The following STPG2 variants were observed in gnomAD, a reference collection of about 807,000 sequenced individuals.
The protein encoded by STPG2 is sperm-tail PG-rich repeat-containing protein 2.
In STPG2, 56 loss-of-function variants were observed where a neutral mutation model predicts 54.2. The observed-to-expected ratio is 1.03, with a 90% CI of 0.83 to 1.29. STPG2 has a LOEUF of 1.29. Ranked by LOEUF, STPG2 falls within the 50% of genes most tolerant of loss-of-function variation. The pLI is 0.00. For synonymous variants in STPG2, 200 were observed against 181.8 expected, an observed-to-expected ratio of 1.10 and a Z score of -0.81; for missense variants, 596 against 544.9, an observed-to-expected ratio of 1.09 and a Z score of -0.93.
At chr4:97,774,122 A>G (rs1405939503) in intron 9 of STPG2, among the ~76,000 whole-genome samples, 1 of 152,140 alleles carries the variant, frequency 6.6e-6, no homozygotes, top group African/African-American at 2.4e-5. Flanking sequence ...ATTTCTTTAA[A>G]GATAAGCTTT....
At chr4:98,068,289 C>G (rs561169305) in intron 5 of STPG2, among the ~76,000 whole-genome samples, 2 of 152,026 alleles carry the variant, frequency 1.3e-5, no homozygotes, top group Non-Finnish European at 2.9e-5. Context: ...AGGTCAAATT[C>G]CTTTATTTAA....
At chr4:97,917,816 T>A (rs192544245) in intron 8 of STPG2, among the ~76,000 whole-genome samples, 3 of 152,124 alleles carry the variant, frequency 2.0e-5, no homozygotes, top group Non-Finnish European at 4.4e-5. Context: ...GGATTTCTCT[T>A]AGACTACATC....
chr4:98,023,937 C>T (rs909301811), intron 5 of STPG2, among the ~76,000 whole-genome samples: 4 of 152,162 alleles, frequency 2.6e-5, no homozygotes, highest in Non-Finnish European at 5.9e-5. Context: ...TCTGTCACCC[C>T]TTTCTTTGAC....
Position 98,039,493 on chromosome 4 carries a change from C to CAT in STPG2, c.613-58177_613-58176dup, listed in dbSNP as rs199974654. ...TGTATATATATATATACAAGAAATA[C>CAT]ATATATATATACCATATTTCTTTTG... On this transcript the variant is annotated intron_variant, in intron 5 of 10. Coordinates refer to ENST00000295268, the MANE Select transcript of STPG2 (RefSeq NM_174952.3). Among the ~76,000 whole-genome samples, 17 of 100,958 alleles carry CAT rather than the reference C, an allele frequency of 1.7e-4. 1 individual carries two copies. The highest frequency in any genetic ancestry group is 3.2e-4 in the African/African-American group (8 of 25,150). The allele number at this position is 100,958 out of a possible 152,430, so 66.2% of individuals were successfully genotyped here.
At chr4:97,441,818 G>A (rs1270826005) in intron 4 of STPG2, among the ~76,000 whole-genome samples, 5 of 151,862 alleles carry the variant, frequency 3.3e-5, no homozygotes, top group African/African-American at 4.8e-5. Context: ...TTCTGCAATT[G>A]TTTAGACATT....
intron 10 of STPG2, among the ~76,000 whole-genome samples, chr4:97,684,474 G>C (rs186291285): frequency 6.6e-6 from 1 of 151,924 alleles, no homozygotes; most frequent in Non-Finnish European, 1.5e-5. Context: ...AAACATTTCA[G>C]TGGAGACAGG....
At chr4:97,676,582 G>A (rs1278752190) in intron 10 of STPG2, among the ~76,000 whole-genome samples, 2 of 146,624 alleles carry the variant, frequency 1.4e-5, no homozygotes, top group East Asian at 2.0e-4. Context: ...AGGAAAGGAG[G>A]GAGGGAGGGA....
chr4:97,905,425 C>G (rs998489408), intron 8 of STPG2, among the ~76,000 whole-genome samples: 17 of 151,748 alleles, frequency 1.1e-4, no homozygotes, highest in Admixed American at 3.9e-4. Flanking sequence ...TTGTCACCAC[C>G]AGGCCTGCCC....
chr4:97,892,495 C>G (rs751623382), intron 8 of STPG2, among the ~76,000 whole-genome samples: 1 of 152,144 alleles, frequency 6.6e-6, no homozygotes, highest in Non-Finnish European at 1.5e-5. Flanking sequence ...TCCCTAATCT[C>G]CAGTCAATCA....
rs374671525 is a variant in STPG2, at chr4:97,877,881, C to T, written c.1045-36949G>A. Among the ~76,000 whole-genome samples, 27 of 152,242 alleles carry T rather than the reference C, an allele frequency of 1.8e-4. 1 individual carries two copies. Among genetic ancestry groups the T allele is most frequent in the African/African-American group, 4.6e-4 (19 of 41,542 alleles). On this transcript the variant is annotated intron_variant, in intron 8 of 10. Coordinates refer to ENST00000295268, the MANE Select transcript of STPG2 (RefSeq NM_174952.3). ...GTCCAAAGTCTCATCTGAGACAAGG[C>T]GATCCCTTCCACCTACGAGCCTGTA...
chr4:98,120,192 T>C (rs968418481), intron 3 of STPG2, among the ~76,000 whole-genome samples: 1 of 152,166 alleles, frequency 6.6e-6, no homozygotes, highest in African/African-American at 2.4e-5. Flanking sequence ...GCGATTCTTC[T>C]GCCTCAGCCT....
At chr4:97,471,004 T>C (rs1560622656) in intron 4 of STPG2, among the ~76,000 whole-genome samples, 1 of 152,136 alleles carries the variant, frequency 6.6e-6, no homozygotes, top group Non-Finnish European at 1.5e-5. Context: ...GAGCAGACAG[T>C]GTCGATGTCA....
chr4:97,478,893 G>A (rs1041768673), intron 4 of STPG2, among the ~76,000 whole-genome samples: 25 of 150,800 alleles, frequency 1.7e-4, no homozygotes, highest in African/African-American at 5.8e-4. Context: ...GTGTGTGTGT[G>A]TGTGTGTGTG....
intron 8 of STPG2, among the ~76,000 whole-genome samples, chr4:97,903,928 G>A (rs554119097): frequency 3.4e-4 from 52 of 152,300 alleles, no homozygotes; most frequent in African/African-American, 1.2e-3. Context: ...ATTATATTCC[G>A]CACCTGGCTC....
intron 10 of STPG2, among the ~76,000 whole-genome samples, chr4:97,616,570 C>CT (rs1265809278): frequency 6.6e-6 from 1 of 151,932 alleles, no homozygotes; most frequent in Non-Finnish European, 1.5e-5. Context: ...TTGCTTTTAT[C>CT]TTTTTCTATT....
In STPG2 at chr4:98,128,454, C is replaced by G. The variant is rs1219241153; in HGVS notation, c.361G>C (p.Gly121Arg). The G allele has an allele frequency of 6.2e-7, 1 of 1,611,248 alleles. No individual in the cohort carries two copies. Among genetic ancestry groups the G allele is most frequent in the South Asian group, 1.1e-5 (1 of 90,324 alleles). ...AATTGAGGTTTGTAGTATGCTGGAC[C>G]AAGTGTACTGTCACAAGCAGGTGGA... ...CFPPACDSTL[G>R]PAYYKPQFDV... is the part of the protein sequence containing the mutation. Residue 121 changes from glycine (G) to arginine (R), a missense_variant, in exon 3 of 11, where the codon GGT (glycine) becomes CGT (arginine). Gly to Arg is a moderately radical substitution (Grantham distance 125, BLOSUM62 -2). Transcript: ENST00000295268.
At chr4:98,021,482 A>G (rs1461853984) in intron 5 of STPG2, among the ~76,000 whole-genome samples, 1 of 151,914 alleles carries the variant, frequency 6.6e-6, no homozygotes, top group Non-Finnish European at 1.5e-5. Context: ...ATGCTGAAAA[A>G]TGTATATTCT....
At chr4:97,857,088 A>T (rs1729362342) in intron 8 of STPG2, among the ~76,000 whole-genome samples, 1 of 152,124 alleles carries the variant, frequency 6.6e-6, no homozygotes, top group Non-Finnish European at 1.5e-5. Flanking sequence ...TTTGTTATCG[A>T]TGTTCACCAA....
In STPG2 at chr4:97,678,867, T is replaced by C. The variant is rs368985358; in HGVS notation, c.1320+33832A>G. On this transcript the variant is annotated intron_variant, in intron 10 of 10. Coordinates refer to ENST00000295268, the MANE Select transcript of STPG2 (RefSeq NM_174952.3). ...TTCAATTCCCACCTATGAGTGAGAA[T>C]ATGTGGTGTTTGGTTTCTTGTTCTT... 2.0e-5 allele frequency among the ~76,000 whole-genome samples: 3 copies of C among 150,068 alleles called. No individual in the cohort carries two copies. In the Admixed American group the frequency reaches 2.0e-4, roughly 10 times the overall value.
Sources: gnomAD v4.1 joint callset for allele counts (sites outside exome capture counted in the v4.1 genomes callset) on GRCh38, gnomAD v4.1.1 for gene constraint, MANE v1.5 for transcripts, NCBI Gene and HGNC (gene_info 2026-07-23, HGNC 2026-07-21) for gene names.